Variants in PHIP observed in about 807,000 individuals in gnomAD.
PHIP encodes the protein PHIP subunit of CUL4-Ring ligase complex.
A neutral mutation model predicts 236.8 loss-of-function variants in PHIP; 54 were observed. The observed-to-expected ratio is 0.23, with a 90% CI of 0.18 to 0.29. The LOEUF is 0.29. PHIP is among the 10% of genes least tolerant of loss of function. The pLI is 1.00. For missense variants in PHIP, 1,370 were observed against 2,190.8 expected (o/e 0.63, Z 7.48); for synonymous variants, 756 against 718.9 (o/e 1.05, Z -0.83).
rs374513924 is a variant in PHIP, at chr6:79,029,444, T to C, written c.601-3280A>G. Among the ~76,000 whole-genome samples the C allele has an allele frequency of 9.2e-5, 14 of 152,286 alleles. No individual in the cohort carries two copies. In the East Asian group the frequency reaches 1.3e-3, roughly 15 times the overall value. The stretch of plus-strand genomic sequence containing the variant: ...ACAATATACAAGTACTCAAAAATAA[T>C]TGACTAGAAGAACTGCAGAGGAAAA... On this transcript the variant is annotated intron_variant, in intron 7 of 39. Transcript: ENST00000275034.
intron 25 of PHIP, 70 bp from the exon 26 acceptor site, chr6:78,970,243 T>C (rs549953365): frequency 6.5e-6 from 9 of 1,379,212 alleles, no homozygotes; most frequent in African/African-American, 2.9e-5. Flanking sequence ...CTAAACATTG[T>C]TGAGAAAAAA....
intron 24 of PHIP, among the ~76,000 whole-genome samples, chr6:78,973,114 G>C (rs1767728837): frequency 6.6e-6 from 1 of 152,096 alleles, no homozygotes; most frequent in Non-Finnish European, 1.5e-5. Context: ...AAAATGTTAA[G>C]GGCAGCCAGA....
chr6:78,970,098 A>G lies in PHIP; in HGVS notation c.3073T>C (p.Phe1025Leu). The G allele has an allele frequency of 6.2e-7, 1 of 1,613,472 alleles. No individual in the cohort carries two copies. The highest frequency in any genetic ancestry group is 8.5e-7 in the Non-Finnish European group (1 of 1,179,492). Reference protein sequence around the residue: ...LPTLCCLKLAFLDPDTGKLTG... With the variant: ...LPTLCCLKLALLDPDTGKLTG... Reference sequence around the variant, plus strand: ...AGTTTACCAGTATCAGGATCTAGAAAAGCAAGTTTAAGGCAGCAAAGGGTA... The same window carrying G: ...AGTTTACCAGTATCAGGATCTAGAAGAGCAAGTTTAAGGCAGCAAAGGGTA... Residue 1025 changes from phenylalanine (F) to leucine (L), a missense_variant, in exon 26 of 40, where the codon TTT (phenylalanine) becomes CTT (leucine). By Grantham distance (22) the Phe-to-Leu change is conservative (BLOSUM62 0). Transcript: ENST00000275034.
intron 29 of PHIP, 139 bp from the exon 30 acceptor site, chr6:78,963,391 G>T: frequency 5.3e-6 from 3 of 567,822 alleles, no homozygotes; most frequent in Non-Finnish European, 8.6e-6. Context: ...TTTTAACAAA[G>T]GAAAGTATGT....
chr6:78,947,855 T>A, intron 35 of PHIP, 80 bp from the exon 36 acceptor site: 1 of 931,546 alleles, frequency 1.1e-6, no homozygotes, highest in Non-Finnish European at 1.7e-6. Flanking sequence ...CGCACAGGAT[T>A]TTTATGATGA....
chr6:79,050,273 T>C (rs963369512), intron 6 of PHIP, among the ~76,000 whole-genome samples: 2 of 152,174 alleles, frequency 1.3e-5, no homozygotes, highest in African/African-American at 4.8e-5. Context: ...ACTGAGTGTT[T>C]TACTACATGC....
At chr6:79,061,988 T>C (rs1773403951) in intron 4 of PHIP, among the ~76,000 whole-genome samples, 1 of 152,112 alleles carries the variant, frequency 6.6e-6, no homozygotes. Context: ...CCTTACTCTT[T>C]ATCAAAATAC....
intron 19 of PHIP, among the ~76,000 whole-genome samples, chr6:78,991,394 C>A (rs1051730653): frequency 6.7e-6 from 1 of 149,518 alleles, no homozygotes; most frequent in Non-Finnish European, 1.5e-5. Flanking sequence ...AAATTCAATA[C>A]AACAGACCCT....
intron 4 of PHIP, among the ~76,000 whole-genome samples, chr6:79,073,326 CAT>C (rs1421795125): frequency 1.3e-5 from 2 of 151,374 alleles, no homozygotes; most frequent in Non-Finnish European, 3.0e-5. Context: ...TCACGCCTAA[CAT>C]ATTTTATTCA....
intron 24 of PHIP, among the ~76,000 whole-genome samples, chr6:78,977,065 A>G (rs998482329): frequency 2.3e-5 from 3 of 131,250 alleles, no homozygotes; most frequent in African/African-American, 8.5e-5. Context: ...TGCTATAAAG[A>G]CACATGCACA....
chr6:78,952,282 G>A (rs185377921), intron 35 of PHIP, among the ~76,000 whole-genome samples: 5 of 152,060 alleles, frequency 3.3e-5, no homozygotes, highest in Admixed American at 1.3e-4. Context: ...AGTTGGGCGT[G>A]GTGGCATGCG....
chr6:79,069,976 T>C (rs1773804727), intron 4 of PHIP, among the ~76,000 whole-genome samples: 1 of 151,798 alleles, frequency 6.6e-6, no homozygotes, highest in South Asian at 2.1e-4. Context: ...TGCAATACTA[T>C]AAGAAAAACA....
At chr6:79,062,556 T>G (rs576444154) in intron 4 of PHIP, among the ~76,000 whole-genome samples, 50 of 152,350 alleles carry the variant, frequency 3.3e-4, no homozygotes, top group African/African-American at 1.2e-3. Flanking sequence ...CATTACTTAT[T>G]AACTTCAGAT....
chr6:79,017,286 A>G, intron 12 of PHIP, 60 bp downstream of exon 12: 1 of 995,054 alleles, frequency 1.0e-6, no homozygotes, highest in Non-Finnish European at 1.5e-6. Flanking sequence ...AAATCTGATG[A>G]CTAAAATTGT....
At chr6:79,005,164 T>C (rs1770217464) in intron 15 of PHIP, among the ~76,000 whole-genome samples, 1 of 151,894 alleles carries the variant, frequency 6.6e-6, no homozygotes, top group Non-Finnish European at 1.5e-5. Context: ...ATGTTTAATA[T>C]ACACAAAAAC....
intron 14 of PHIP, 125 bp downstream of exon 14, chr6:79,015,503 TCA>T (rs1052319974): frequency 8.4e-6 from 6 of 712,750 alleles, no homozygotes; most frequent in Non-Finnish European, 1.4e-5. Flanking sequence ...TCCCAATCAC[TCA>T]CAAAGCCGTT....
At chr6:78,953,471 G>T (rs1766195470) in intron 35 of PHIP, among the ~76,000 whole-genome samples, 1 of 152,160 alleles carries the variant, frequency 6.6e-6, no homozygotes, top group East Asian at 1.9e-4. Flanking sequence ...ACATAGCTGA[G>T]CTTGCAAGAA....
chr6:78,982,566 A>G (rs1387273564), intron 23 of PHIP, among the ~76,000 whole-genome samples: 1 of 152,056 alleles, frequency 6.6e-6, no homozygotes, highest in Non-Finnish European at 1.5e-5. Flanking sequence ...TTAATACACT[A>G]TATGTTTTGT....
At chr6:78,972,907 T>C (rs1023751664) in intron 24 of PHIP, among the ~76,000 whole-genome samples, 1 of 152,096 alleles carries the variant, frequency 6.6e-6, no homozygotes, top group Non-Finnish European at 1.5e-5. Flanking sequence ...GTCTGATTGG[T>C]GTACCTGAAA....
Sources: gnomAD v4.1 joint callset for allele counts (sites outside exome capture counted in the v4.1 genomes callset) on GRCh38, gnomAD v4.1.1 for gene constraint, MANE v1.5 for transcripts, NCBI Gene and HGNC (gene_info 2026-07-23, HGNC 2026-07-21) for gene names.